CLDN16: variants seen among roughly 807,000 people sequenced by gnomAD.
The protein encoded by CLDN16 is claudin-16.
A neutral mutation model predicts 24.6 loss-of-function variants in CLDN16; 13 were observed. The observed-to-expected ratio is 0.53, with a 90% CI of 0.34 to 0.84. The LOEUF is 0.84. Among genes scored for constraint, CLDN16 ranks in the 40% least tolerant of loss-of-function variants. The pLI is 0.01. For synonymous variants in CLDN16, 116 were observed against 106.7 expected (o/e 1.09, Z -0.54); for missense variants, 298 against 292.7 (o/e 1.02, Z -0.13).
rs150339440 is a variant in CLDN16, at chr3:190,396,014, C to T, written c.115-6323C>T. On this transcript the variant is annotated intron_variant, in intron 1 of 4. Transcript: ENST00000264734. ...CAAGTATTTTTTAGTGTTTCTAATT[C>T]TCAAAAGATACATAAAAAGACAAGG... Among the ~76,000 whole-genome samples the T allele has an allele frequency of 2.3e-4, 35 of 152,076 alleles. No individual in the cohort carries two copies. The East Asian group carries it at 6.6e-3, about 29-fold the overall frequency.
At chr3:190,321,094 G>C (rs558033917), upstream of CLDN16, among the ~76,000 whole-genome samples, 2 of 152,286 alleles carry the variant, frequency 1.3e-5, no homozygotes, top group South Asian at 4.1e-4. Context: ...CTTTGTGGAA[G>C]ATGGAAACCT....
intron 1 of CLDN16, among the ~76,000 whole-genome samples, chr3:190,360,406 G>A (rs973616374): frequency 4.0e-5 from 6 of 151,846 alleles, no homozygotes; most frequent in African/African-American, 1.5e-4. Flanking sequence ...AGATTTATCC[G>A]GTGTGACATG....
intron 1 of CLDN16, among the ~76,000 whole-genome samples, chr3:190,340,217 A>G (rs1717397815): frequency 1.3e-5 from 2 of 152,258 alleles, no homozygotes; most frequent in African/African-American, 4.8e-5. Flanking sequence ...AACAATGGGA[A>G]GAAACTGACA....
chr3:190,369,027 T>G (rs1246337465), intron 1 of CLDN16, among the ~76,000 whole-genome samples: 1 of 151,976 alleles, frequency 6.6e-6, no homozygotes, highest in African/African-American at 2.4e-5. Flanking sequence ...GCCTCTGATC[T>G]CAAACAGGTA....
At chr3:190,405,967 A>C (rs1179544076) in intron 3 of CLDN16, among the ~76,000 whole-genome samples, 1 of 152,190 alleles carries the variant, frequency 6.6e-6, no homozygotes, top group African/African-American at 2.4e-5. Flanking sequence ...AACAAAGCGA[A>C]TATAAGTGGC....
chr3:190,315,205 T>C, the CLDN16 span, among the ~76,000 whole-genome samples: 36 of 152,320 alleles, frequency 2.4e-4, no homozygotes, highest in South Asian at 1.2e-3. Context: ...GGCAGAGATA[T>C]GCCTGAAGAG....
At chr3:190,396,569 A>G (rs954638203) in intron 1 of CLDN16, among the ~76,000 whole-genome samples, 1 of 152,192 alleles carries the variant, frequency 6.6e-6, no homozygotes, top group African/African-American at 2.4e-5. Context: ...GCCAGCTGCC[A>G]TGTTTGTCTT....
intron 3 of CLDN16, 66 bp downstream of exon 3, chr3:190,404,992 A>C: frequency 6.6e-7 from 1 of 1,511,272 alleles, no homozygotes; most frequent in Non-Finnish European, 9.2e-7. Flanking sequence ...GGTGAAGGAG[A>C]GAGTTGTGCT....
intron 3 of CLDN16, among the ~76,000 whole-genome samples, chr3:190,406,422 C>T (rs1224895699): frequency 2.0e-5 from 3 of 151,878 alleles, no homozygotes; most frequent in East Asian, 1.9e-4. Context: ...TAATTTTGTT[C>T]GAGAATATTT....
chr3:190,305,449 T>C, the CLDN16 span, among the ~76,000 whole-genome samples: 4 of 152,322 alleles, frequency 2.6e-5, no homozygotes, highest in Admixed American at 6.5e-5. Flanking sequence ...TTTATTATTG[T>C]ATGTCCCCTT....
the CLDN16 span, chr3:190,312,998 T>C: frequency 6.2e-7 from 1 of 1,614,156 alleles, no homozygotes; most frequent in South Asian, 1.1e-5. Flanking sequence ...CCCAGGAGGA[T>C]GCCAACCACC....
At chr3:190,300,395 T>C in the CLDN16 span, among the ~76,000 whole-genome samples, 7 of 150,604 alleles carry the variant, frequency 4.6e-5, no homozygotes, top group Non-Finnish European at 8.8e-5. Context: ...CAGCCTGAAG[T>C]TTTTCTGACA....
Position 190,350,512 on chromosome 3 carries a change from C to T in CLDN16, n.122-20381C>T, listed in dbSNP as rs943690474. Among the ~76,000 whole-genome samples the T allele has an allele frequency of 2.1e-4, 32 of 152,028 alleles. 2 individuals carry two copies. In the East Asian group the frequency reaches 2.9e-3, roughly 14 times the overall value. ...ATAATGTTGAAAAAAGTATTCGATA[C>T]CAAAATCAAGAGAACATGCAAAGGT... On this transcript the variant is annotated intron_variant and non_coding_transcript_variant, in intron 1 of 4. Coordinates refer to the CLDN16 transcript ENST00000468220.
At chr3:190,360,066 A>C (rs908087761) in intron 1 of CLDN16, among the ~76,000 whole-genome samples, 4 of 151,994 alleles carry the variant, frequency 2.6e-5, no homozygotes, top group Non-Finnish European at 5.9e-5. Context: ...CTTGGTCTTT[A>C]AACTGTAGAA....
At chr3:190,397,637 G>A (rs1455075919) in intron 1 of CLDN16, among the ~76,000 whole-genome samples, 1 of 152,152 alleles carries the variant, frequency 6.6e-6, no homozygotes, top group Non-Finnish European at 1.5e-5. Flanking sequence ...GTGCACAAAG[G>A]CACCTTTAAG....
intron 2 of CLDN16, among the ~76,000 whole-genome samples, chr3:190,374,131 A>G (rs1057178651): frequency 6.6e-6 from 1 of 151,928 alleles, no homozygotes; most frequent in Non-Finnish European, 1.5e-5. Context: ...TCAGTCATAG[A>G]AAGGTTTTGG....
At chr3:190,375,164 G>A (rs1157178329) in intron 3 of CLDN16, among the ~76,000 whole-genome samples, 1 of 151,940 alleles carries the variant, frequency 6.6e-6, no homozygotes, top group African/African-American at 2.4e-5. Context: ...CACTTTAGGA[G>A]AAGTGATAAG....
chr3:190,393,555 G>T (rs1718733895), intron 1 of CLDN16, among the ~76,000 whole-genome samples: 1 of 152,168 alleles, frequency 6.6e-6, no homozygotes. Context: ...AGGCAGATAT[G>T]AATCAGCCAA....
chr3:190,331,029 A>G (rs1717170414), intron 1 of CLDN16, among the ~76,000 whole-genome samples: 1 of 152,218 alleles, frequency 6.6e-6, no homozygotes, highest in African/African-American at 2.4e-5. Flanking sequence ...TGAGAAATAG[A>G]AAGAGGACAG....
Sources: allele counts gnomAD v4.1 joint callset (sites outside exome capture counted in the v4.1 genomes callset), GRCh38; gene constraint gnomAD v4.1.1; transcripts MANE v1.5; gene names NCBI Gene and HGNC (gene_info 2026-07-23, HGNC 2026-07-21).